MCTP1: variants seen among roughly 807,000 people sequenced by gnomAD.
MCTP1 encodes multiple C2 and transmembrane domain containing 1.
In MCTP1, 69 loss-of-function variants were observed where a neutral mutation model predicts 120.6. The ratio of observed to expected loss-of-function variants is 0.57; its 90% CI spans 0.47 to 0.70. The LOEUF (loss-of-function observed/expected upper bound fraction) is 0.70, where lower values mean the gene tolerates loss of function less well. Among genes scored for constraint, MCTP1 ranks in the 30% least tolerant of loss-of-function variants. The pLI, the probability that MCTP1 is intolerant of heterozygous loss-of-function variation, is 0.00. For synonymous variants in MCTP1, 529 were observed against 493.1 expected (o/e 1.07, Z -0.96); for missense variants, 1,203 against 1,248.8 (o/e 0.96, Z 0.55).
At chr5:94,953,183 C>T (rs1219873137) in intron 3 of MCTP1, 36 bp downstream of exon 3, 1 of 1,546,958 alleles carries the variant, frequency 6.5e-7, no homozygotes, top group Admixed American at 2.0e-5. Context: ...ATTTCCACAT[C>T]AGTTTCTATC....
intron 1 of MCTP1, among the ~76,000 whole-genome samples, chr5:95,127,891 C>G (rs186828203): frequency 6.6e-5 from 10 of 152,268 alleles, no homozygotes; most frequent in African/African-American, 2.4e-4. Context: ...CTGGTGCAAT[C>G]TGAATGGGAG....
chr5:94,828,910 T>C (rs1373217995), intron 17 of MCTP1, among the ~76,000 whole-genome samples: 2 of 152,164 alleles, frequency 1.3e-5, no homozygotes, highest in African/African-American at 2.4e-5. Flanking sequence ...GCAAGACAAC[T>C]TGGCTTCTTG....
intron 1 of MCTP1, among the ~76,000 whole-genome samples, chr5:95,257,361 T>TA (rs1256174296): frequency 1.3e-4 from 20 of 152,140 alleles, no homozygotes; most frequent in African/African-American, 2.4e-4. Context: ...ATTTTAATGT[T>TA]AAAAAAACCA....
At chr5:95,043,668 T>C (rs1410800761) in intron 1 of MCTP1, among the ~76,000 whole-genome samples, 1 of 152,208 alleles carries the variant, frequency 6.6e-6, no homozygotes, top group Non-Finnish European at 1.5e-5. Context: ...AACAGATGCC[T>C]TAATTACTAG....
chr5:95,247,956 C>T (rs1176213167), intron 1 of MCTP1, among the ~76,000 whole-genome samples: 2 of 152,008 alleles, frequency 1.3e-5, no homozygotes, highest in Non-Finnish European at 2.9e-5. Flanking sequence ...TGTTAACCTT[C>T]TGTCTCGTTC....
At chr5:94,893,847 C>T (rs1021107320) in intron 11 of MCTP1, among the ~76,000 whole-genome samples, 3 of 152,144 alleles carry the variant, frequency 2.0e-5, no homozygotes, top group Non-Finnish European at 4.4e-5. Flanking sequence ...CGGCACTGTA[C>T]AATACAAGCT....
At chr5:94,910,132 G>GTATA in intron 9 of MCTP1, among the ~76,000 whole-genome samples, 1 of 138,942 alleles carries the variant, frequency 7.2e-6, no homozygotes, top group Admixed American at 7.3e-5. Context: ...ATGTATACAT[G>GTATA]TATATATGTA....
At chr5:94,713,080 C>T (rs1356244588) in intron 20 of MCTP1, among the ~76,000 whole-genome samples, 2 of 152,088 alleles carry the variant, frequency 1.3e-5, no homozygotes, top group African/African-American at 2.4e-5. Flanking sequence ...GGATGCAATT[C>T]AAGAAAGTTC....
chr5:95,267,374 G>C (rs1758987192), intron 1 of MCTP1, among the ~76,000 whole-genome samples: 1 of 151,990 alleles, frequency 6.6e-6, no homozygotes. Context: ...TCTCTACCTA[G>C]GCTCGGAAAT....
At chr5:95,005,687 G>A (rs367824920) in intron 2 of MCTP1, among the ~76,000 whole-genome samples, 152 of 151,916 alleles carry the variant, frequency 1.0e-3, no homozygotes, top group African/African-American at 3.4e-3. Context: ...TACCATGACT[G>A]TAAATTTCCT....
At chr5:95,178,318 C>T (rs1296532844) in intron 1 of MCTP1, among the ~76,000 whole-genome samples, 2 of 152,182 alleles carry the variant, frequency 1.3e-5, no homozygotes, top group African/African-American at 4.8e-5. Flanking sequence ...ATAACCCCAC[C>T]CACTGCCTGA....
chr5:95,226,160 C>T (rs1754238862), intron 1 of MCTP1, among the ~76,000 whole-genome samples: 1 of 151,962 alleles, frequency 6.6e-6, no homozygotes. Flanking sequence ...CTCCCAAGTC[C>T]CCAAAGTCCA....
Position 94,826,772 on chromosome 5 carries a change from C to CTTTTTTTTTTTTTTTTTTTTTTTT in MCTP1, c.2437-27664_2437-27641dup, listed in dbSNP as rs61324420. ...TCAGAGAGTAGGGTTGTGACCCCTG[C>CTTTTTTTTTTTTTTTTTTTTTTTT]TTTTTTTTTTTTTTTTTTTTTTTTT... On this transcript the variant is annotated intron_variant, in intron 17 of 22. Coordinates refer to ENST00000515393, the MANE Select transcript of MCTP1 (RefSeq NM_024717.7). The CTTTTTTTTTTTTTTTTTTTTTTTT allele has an allele frequency of 9.3e-5, 4 of 42,866 alleles. 2 individuals are homozygous for CTTTTTTTTTTTTTTTTTTTTTTTT. The highest frequency in any genetic ancestry group is 6.5e-4 in the African/African-American group (4 of 6,112). 2.7% of individuals were successfully genotyped at this position (42,866 alleles called of 1,614,324 possible).
intron 17 of MCTP1, among the ~76,000 whole-genome samples, chr5:94,828,492 T>C (rs574114381): frequency 6.6e-6 from 1 of 152,322 alleles, no homozygotes; most frequent in African/African-American, 2.4e-5. Flanking sequence ...TGCTGGGAGA[T>C]CCTCTCATCT....
chr5:95,233,328 CTTTT>C (rs199632942), intron 1 of MCTP1, among the ~76,000 whole-genome samples: 1 of 144,614 alleles, frequency 6.9e-6, no homozygotes, highest in African/African-American at 2.5e-5. Flanking sequence ...TGGCATACTT[CTTTT>C]TTTTTTTTTT....
At chr5:94,748,176 G>A (rs76258057) in intron 19 of MCTP1, among the ~76,000 whole-genome samples, 1,762 of 152,152 alleles carry the variant, frequency 0.012, 27 homozygotes, top group Non-Finnish European at 0.016. Context: ...ATTTGATGTG[G>A]GTTTTATTCC....
At chr5:94,723,304 G>A (rs1761333087) in intron 19 of MCTP1, among the ~76,000 whole-genome samples, 3 of 152,126 alleles carry the variant, frequency 2.0e-5, no homozygotes, top group Admixed American at 2.0e-4. Flanking sequence ...AAGGTTAACA[G>A]GATAAATGGA....
intron 19 of MCTP1, among the ~76,000 whole-genome samples, chr5:94,718,726 T>C (rs1580293443): frequency 2.0e-5 from 3 of 152,146 alleles, no homozygotes; most frequent in African/African-American, 4.8e-5. Flanking sequence ...GACATTATTA[T>C]TATTTTTTTT....
chr5:95,088,952 T>A (rs968329914), intron 1 of MCTP1, among the ~76,000 whole-genome samples: 2 of 152,336 alleles, frequency 1.3e-5, no homozygotes, highest in Non-Finnish European at 2.9e-5. Flanking sequence ...AAGGAAGAGT[T>A]GATAAAGATT....
Sources: allele counts gnomAD v4.1 joint callset (sites outside exome capture counted in the v4.1 genomes callset), GRCh38; gene constraint gnomAD v4.1.1; transcripts MANE v1.5; gene names NCBI Gene and HGNC (gene_info 2026-07-23, HGNC 2026-07-21).